The following DAAM1 variants were observed in gnomAD, a reference collection of about 807,000 sequenced individuals.
The protein encoded by DAAM1 is disheveled-associated activator of morphogenesis 1.
In DAAM1, 52 loss-of-function variants were observed where a neutral mutation model predicts 130.0. The ratio of observed to expected loss-of-function variants is 0.40; its 90% CI spans 0.32 to 0.50. The LOEUF is 0.50. Ranked by LOEUF, DAAM1 falls within the 20% of genes least tolerant of loss-of-function variation. The pLI is 0.61. For synonymous variants in DAAM1, 452 were observed against 444.5 expected, an observed-to-expected ratio of 1.02 and a Z score of -0.21; for missense variants, 1,134 against 1,303.8, an observed-to-expected ratio of 0.87 and a Z score of 2.01.
intron 3 of DAAM1, among the ~76,000 whole-genome samples, chr14:59,310,857 C>T (rs1393488153): frequency 6.6e-6 from 1 of 152,146 alleles, no homozygotes; most frequent in Non-Finnish European, 1.5e-5. Context: ...AATGTTGCTT[C>T]AGCCTGTGAT....
chr14:59,217,808 T>TA (rs202027124), intron 1 of DAAM1, among the ~76,000 whole-genome samples: 6,782 of 151,606 alleles, frequency 0.045, 175 homozygotes, highest in Middle Eastern at 0.14. Flanking sequence ...CTGTCTGTAC[T>TA]AAAAAAAACC....
intron 1 of DAAM1, among the ~76,000 whole-genome samples, chr14:59,229,455 T>C (rs1889039253): frequency 1.3e-5 from 2 of 152,326 alleles, no homozygotes; most frequent in South Asian, 4.1e-4. Context: ...ATAATACCCT[T>C]GATTTATAAA....
At position 59,360,828 on chromosome 14, in the gene DAAM1, G is replaced by A; in HGVS notation, c.2660G>A (p.Ser887Asn). Residue 887 changes from serine (S) to asparagine (N), a missense_variant, in exon 22 of 25, where the codon AGT becomes AAT. Physicochemically the swap from Ser to Asn is conservative, Grantham distance 46. Coordinates refer to ENST00000360909, the MANE Select transcript of DAAM1 (RefSeq NM_001270520.2). ...ATGACTGAGCTGGACAAAGAAATAA[G>A]TACCTTGAGAAGTGGCTTGAAAGCA... ...VNMTELDKEI[S>N]TLRSGLKAVE... 1 of 1,613,926 alleles carries A rather than the reference G, an allele frequency of 6.2e-7. No homozygotes were observed. The highest frequency in any genetic ancestry group is 8.5e-7 in the Non-Finnish European group (1 of 1,179,900).
chr14:59,294,556 C>A (rs1216708836), intron 3 of DAAM1, among the ~76,000 whole-genome samples: 1 of 143,186 alleles, frequency 7.0e-6, no homozygotes, highest in Non-Finnish European at 1.5e-5. Flanking sequence ...AGACAGCAAT[C>A]CACTGTCATT....
intron 3 of DAAM1, among the ~76,000 whole-genome samples, chr14:59,313,690 A>G (rs1469981971): frequency 6.6e-6 from 1 of 152,260 alleles, no homozygotes; most frequent in Non-Finnish European, 1.5e-5. Flanking sequence ...GGCTTGTTAA[A>G]TACATTGGTA....
chr14:59,196,618 C>T (rs1409885633), intron 1 of DAAM1, among the ~76,000 whole-genome samples: 3 of 152,072 alleles, frequency 2.0e-5, no homozygotes, highest in Non-Finnish European at 4.4e-5. Context: ...TGGCGGGCGC[C>T]TGTAGTCCCA....
At chr14:59,225,033 T>TG (rs1888896188) in intron 1 of DAAM1, among the ~76,000 whole-genome samples, 1 of 141,522 alleles carries the variant, frequency 7.1e-6, no homozygotes, top group Non-Finnish European at 1.5e-5. Flanking sequence ...TTTTTTTTTT[T>TG]TTTTTTTTTT....
chr14:59,300,991 T>A (rs1269463582), intron 3 of DAAM1, among the ~76,000 whole-genome samples: 2 of 152,200 alleles, frequency 1.3e-5, no homozygotes, highest in Non-Finnish European at 2.9e-5. Flanking sequence ...AGTTGTTTGA[T>A]ATGAACATTT....
chr14:59,193,193 T>C (rs1887784862), intron 1 of DAAM1, among the ~76,000 whole-genome samples: 1 of 152,220 alleles, frequency 6.6e-6, no homozygotes, highest in African/African-American at 2.4e-5. Flanking sequence ...GGTTGACAGA[T>C]CAGGCTAGGG....
chr14:59,346,262 G>C (rs948243329), intron 16 of DAAM1, among the ~76,000 whole-genome samples: 1 of 152,052 alleles, frequency 6.6e-6, no homozygotes, highest in African/African-American at 2.4e-5. Context: ...GGAAGTATCG[G>C]AGACAGGACT....
intron 3 of DAAM1, among the ~76,000 whole-genome samples, chr14:59,303,821 A>T (rs897669353): frequency 3.9e-5 from 6 of 152,118 alleles, no homozygotes; most frequent in African/African-American, 1.4e-4. Context: ...AATTGCTTGA[A>T]CCCAGGAGGC....
chr14:59,280,923 T>C (rs541257886), intron 2 of DAAM1, among the ~76,000 whole-genome samples: 3 of 152,292 alleles, frequency 2.0e-5, no homozygotes, highest in East Asian at 3.9e-4. Flanking sequence ...GTTACTGTTA[T>C]TGTTTTTATT....
intron 1 of DAAM1, among the ~76,000 whole-genome samples, chr14:59,246,061 ATAAAT>A (rs1025132722): frequency 1.3e-5 from 2 of 152,230 alleles, no homozygotes; most frequent in Admixed American, 1.3e-4. Context: ...AAGAGGGTTG[ATAAAT>A]TAAAGTTATT....
intron 1 of DAAM1, among the ~76,000 whole-genome samples, chr14:59,204,568 G>A (rs1270877739): frequency 1.3e-5 from 2 of 152,204 alleles, no homozygotes; most frequent in Non-Finnish European, 2.9e-5. Context: ...CATGAGAGTG[G>A]TATCTCATCA....
chr14:59,291,318 A>C lies in DAAM1; in HGVS notation c.273+12A>C, dbSNP rs1357211373. ...GTAGCAAGAAAAAGGTAAGATTTTC[A>C]TTGTGATTATGGTTAACTGGAAAAT... is the stretch of plus-strand genomic sequence containing the variant. On this transcript the variant is annotated intron_variant, in intron 3 of 24. Coordinates refer to ENST00000360909, the MANE Select transcript of DAAM1 (RefSeq NM_001270520.2). 1.3e-6 allele frequency: 2 copies of C among 1,582,972 alleles called. No individual in the cohort carries two copies. Among genetic ancestry groups the C allele is most frequent in the East Asian group, 4.5e-5 (2 of 44,524 alleles).
chr14:59,250,788 T>C (rs1594780210), intron 1 of DAAM1, among the ~76,000 whole-genome samples: 1 of 152,274 alleles, frequency 6.6e-6, no homozygotes, highest in Non-Finnish European at 1.5e-5. Context: ...TGGAAGTATA[T>C]GCATCCCGTA....
At chr14:59,194,317 G>A (rs1307085782) in intron 1 of DAAM1, among the ~76,000 whole-genome samples, 1 of 152,210 alleles carries the variant, frequency 6.6e-6, no homozygotes, top group Non-Finnish European at 1.5e-5. Context: ...TTCTGGAACA[G>A]AAAATGTTGT....
At chr14:59,247,743 A>G (rs1395776091) in intron 1 of DAAM1, among the ~76,000 whole-genome samples, 2 of 152,166 alleles carry the variant, frequency 1.3e-5, no homozygotes, top group Non-Finnish European at 2.9e-5. Context: ...AGGAATTACA[A>G]TGAAAGCAAT....
intron 2 of DAAM1, among the ~76,000 whole-genome samples, chr14:59,272,131 C>T (rs1287160208): frequency 6.6e-6 from 1 of 152,148 alleles, no homozygotes; most frequent in African/African-American, 2.4e-5. Flanking sequence ...AGCCAAAATT[C>T]AGAATCTAAT....
Sources: allele counts gnomAD v4.1 joint callset (sites outside exome capture counted in the v4.1 genomes callset), GRCh38; gene constraint gnomAD v4.1.1; transcripts MANE v1.5; gene names NCBI Gene and HGNC (gene_info 2026-07-23, HGNC 2026-07-21).